Variants in SEMA4F observed in about 807,000 individuals in gnomAD.
SEMA4F encodes the protein semaphorin-4F.
A neutral mutation model predicts 78.4 loss-of-function variants in SEMA4F; 51 were observed. The ratio of observed to expected loss-of-function variants is 0.65; its 90% CI spans 0.52 to 0.82. The LOEUF (loss-of-function observed/expected upper bound fraction) is 0.82, where lower values mean the gene tolerates loss of function less well. SEMA4F is among the 40% of genes least tolerant of loss of function. The pLI is 0.00. For synonymous variants in SEMA4F, 418 were observed against 408.7 expected, an observed-to-expected ratio of 1.02 and a Z score of -0.27; for missense variants, 938 against 1,014.4, an observed-to-expected ratio of 0.92 and a Z score of 1.02.
At position 74,654,302 on chromosome 2, in the gene SEMA4F, G is replaced by A. The variant is rs1683989950; in HGVS notation, c.-75G>A. The stretch of plus-strand genomic sequence containing the variant: ...ACCGAGCCGAGAGGACCCGAGTGGG[G>A]CCGAGGCCAGTAGCCCCGGGGCCCT... On this transcript the variant is annotated 5_prime_UTR_variant, in exon 1 of 14. Coordinates refer to ENST00000357877, the MANE Select transcript of SEMA4F (RefSeq NM_004263.5). The A allele has an allele frequency of 7.3e-7, 1 of 1,366,900 alleles. No individual in the cohort carries two copies. Among genetic ancestry groups the A allele is most frequent in the African/African-American group, 1.5e-5 (1 of 65,084 alleles). The allele number at this position is 1,366,900 out of a possible 1,614,324, so 84.7% of individuals were successfully genotyped here.
intron 5 of SEMA4F, among the ~76,000 whole-genome samples, chr2:74,665,007 A>G (rs1258889504): frequency 1.3e-5 from 2 of 152,120 alleles, no homozygotes; most frequent in African/African-American, 2.4e-5. Flanking sequence ...CAGCTAGCTA[A>G]TCAGTTGACT....
In SEMA4F at chr2:74,680,221, T is replaced by A; in HGVS notation, c.*12T>A. The stretch of plus-strand genomic sequence containing the variant: ...AAACATCCATCTAGAGCTGGGCAAA[T>A]GACCACTAGTGTATAAGTGATCACT... On this transcript the variant is annotated 3_prime_UTR_variant, in exon 14 of 14. Transcript: ENST00000357877. 6.5e-7 allele frequency: 1 copy of A among 1,547,670 alleles called. No individual in the cohort carries two copies. The highest frequency in any genetic ancestry group is 8.8e-7 in the Non-Finnish European group (1 of 1,142,648).
chr2:74,697,262 TG>T, the SEMA4F span, among the ~76,000 whole-genome samples: 1 of 152,220 alleles, frequency 6.6e-6, no homozygotes, highest in Non-Finnish European at 1.5e-5. Context: ...CTGGGTGACA[TG>T]GAAAACCAGC....
chr2:74,689,264 T>A, the SEMA4F span, among the ~76,000 whole-genome samples: 1 of 152,172 alleles, frequency 6.6e-6, no homozygotes, highest in Non-Finnish European at 1.5e-5. Flanking sequence ...TTTGTGTATA[T>A]CAAATTTTAC....
rs367738524 is a variant in SEMA4F, at chr2:74,675,076, C to T, written c.1149+41C>T. 19 of 1,613,540 alleles carry T rather than the reference C, an allele frequency of 1.2e-5. No homozygotes were observed. In the African/African-American group the frequency reaches 2.5e-4, roughly 22 times the overall value. ...TTCATTCTAGGCCTGAAGTCAAGAG[C>T]TGCTATTAAGGCAAGAGCCCCACTA... On this transcript the variant is annotated intron_variant, in intron 9 of 13. Coordinates refer to ENST00000357877, the MANE Select transcript of SEMA4F (RefSeq NM_004263.5).
rs749495903 is a variant in SEMA4F at position 74,673,457 on chromosome 2, G to A, written c.551G>A (p.Gly184Glu). The A allele has an allele frequency of 3.1e-6, 5 of 1,613,900 alleles. No individual in the cohort carries two copies. Among genetic ancestry groups the A allele is most frequent in the South Asian group, 1.1e-5 (1 of 91,036 alleles). ...PAQRSAAVMAGGVLYAATVKN... is the reference protein window; with the variant it reads ...PAQRSAAVMAEGVLYAATVKN... The stretch of plus-strand genomic sequence containing the variant: ...CCATCTCCTCCCTGTCGCCCTGCAG[G>A]GGGGGTCCTCTATGCTGCCACTGTG... Residue 184 changes from glycine (G) to glutamate (E), a missense_variant and splice_region_variant, in exon 6 of 14, where the codon GGG (glycine) becomes GAG (glutamate). Coordinates refer to ENST00000357877, the MANE Select transcript of SEMA4F (RefSeq NM_004263.5).
intron 4 of SEMA4F, among the ~76,000 whole-genome samples, chr2:74,661,838 C>T (rs1046900063): frequency 6.6e-6 from 1 of 152,208 alleles, no homozygotes; most frequent in Non-Finnish European, 1.5e-5. Context: ...GCTCCAATGA[C>T]ACCATATGCC....
At position 74,675,783 on chromosome 2, in the gene SEMA4F, C is replaced by T; in HGVS notation, c.1517C>T (p.Thr506Ile). The change falls in exon 12 of 14, where the codon ACA becomes ATA. Residue 506 changes from threonine (T) to isoleucine (I), a missense_variant. Thr to Ile is a moderately conservative substitution (Grantham distance 89). Coordinates refer to ENST00000357877, the MANE Select transcript of SEMA4F (RefSeq NM_004263.5). ...CTGGTTGGCTCCCGTACTGAGGTGA[C>T]ACAAGTGAATACAACCAACTGTGGC... Reference protein sequence around the residue: ...WLLVGSRTEVTQVNTTNCGRL... With the variant: ...WLLVGSRTEVIQVNTTNCGRL... 1 of 1,614,206 alleles carries T rather than the reference C, an allele frequency of 6.2e-7. No homozygotes were observed.
Position 74,674,951 on chromosome 2 carries a change from T to A in SEMA4F, c.1065T>A (p.Asn355Lys), listed in dbSNP as rs1038298428. 2 of 1,614,008 alleles carry A rather than the reference T, an allele frequency of 1.2e-6. No homozygotes were observed. Among genetic ancestry groups the A allele is most frequent in the Admixed American group, 3.3e-5 (2 of 60,008 alleles). The stretch of plus-strand genomic sequence containing the variant: ...CACAAGACATTCGGACAGTGCTGAA[T>A]GGTCCCTTCAGAGAACTAAAACATG... ...FRPQDIRTVL[N>K]GPFRELKHDC... The change falls in exon 9 of 14, where the codon AAT (asparagine) becomes AAA (lysine). Residue 355 changes from asparagine (N) to lysine (K), a missense_variant. By Grantham distance (94) the Asn-to-Lys change is moderately conservative (BLOSUM62 0). Coordinates refer to ENST00000357877, the MANE Select transcript of SEMA4F (RefSeq NM_004263.5).
At chr2:74,690,470 A>G in the SEMA4F span, among the ~76,000 whole-genome samples, 1 of 151,546 alleles carries the variant, frequency 6.6e-6, no homozygotes, top group African/African-American at 2.4e-5. Context: ...GGAAGAATGA[A>G]GAGAAATGAA....
intron 1 of SEMA4F, among the ~76,000 whole-genome samples, chr2:74,655,612 C>A (rs993126355): frequency 1.3e-5 from 2 of 152,126 alleles, no homozygotes; most frequent in African/African-American, 2.4e-5. Flanking sequence ...TCAGTTTGCA[C>A]CCAAGCAATA....
chr2:74,699,126 G>A, the SEMA4F span, among the ~76,000 whole-genome samples: 248 of 152,300 alleles, frequency 1.6e-3, no homozygotes, highest in Middle Eastern at 6.8e-3. Context: ...TATTGAGGGA[G>A]TTTAAAGCCT....
At chr2:74,706,672 C>G in the SEMA4F span, among the ~76,000 whole-genome samples, 42,780 of 152,130 alleles carry the variant, frequency 0.28, 9,022 homozygotes, top group East Asian at 0.82. Context: ...AGGTTGTCTG[C>G]ACGAGGTTTG....
the SEMA4F span, among the ~76,000 whole-genome samples, chr2:74,695,668 A>G: frequency 5.3e-5 from 8 of 152,236 alleles, no homozygotes; most frequent in Non-Finnish European, 1.2e-4. Context: ...ATTGCTTTCT[A>G]AAAGGACTAA....
intron 5 of SEMA4F, among the ~76,000 whole-genome samples, chr2:74,666,252 T>G (rs532430706): frequency 1.3e-5 from 2 of 152,224 alleles, no homozygotes; most frequent in Non-Finnish European, 2.9e-5. Context: ...GAGTAATTTC[T>G]CTTTATTAGG....
rs763085283 is a variant in SEMA4F, at chr2:74,658,126, G to T, written c.456+175G>T. On this transcript the variant is annotated intron_variant, in intron 4 of 13. Transcript: ENST00000357877. This position sits in a 1 kb window ranked among gnomAD's most constrained non-coding sequence, Gnocchi z 4.3. Reference sequence around the variant, plus strand: ...TAGGGGCTGTCCTCATGGGATGAGGGTATGTGTAAGCCACTGAGGGAGGGA... The same window carrying T: ...TAGGGGCTGTCCTCATGGGATGAGGTTATGTGTAAGCCACTGAGGGAGGGA... Among the ~76,000 whole-genome samples, 6 of 152,118 alleles carry T rather than the reference G, an allele frequency of 3.9e-5. No homozygotes were observed. The highest frequency in any genetic ancestry group is 5.9e-5 in the Non-Finnish European group (4 of 68,012).
chr2:74,674,945 G>A lies in SEMA4F; in HGVS notation c.1059G>A (p.Val353=). 1 of 1,614,018 alleles carries A rather than the reference G, an allele frequency of 6.2e-7. No homozygotes were observed. Among genetic ancestry groups the A allele is most frequent in the Non-Finnish European group, 8.5e-7 (1 of 1,180,012 alleles). The change falls in exon 9 of 14, where the codon GTG becomes GTA. Residue 353 remains valine (V), a synonymous_variant. Transcript: ENST00000357877. ...TCCGACCACAAGACATTCGGACAGT[G>A]CTGAATGGTCCCTTCAGAGAACTAA... is the stretch of plus-strand genomic sequence containing the variant. ...CAFRPQDIRT[V]LNGPFRELKH...
At chr2:74,690,737 G>A in the SEMA4F span, among the ~76,000 whole-genome samples, 3 of 152,150 alleles carry the variant, frequency 2.0e-5, no homozygotes, top group Non-Finnish European at 4.4e-5. Context: ...GGTTTTCTGG[G>A]TCCATTGCAG....
downstream of SEMA4F, among the ~76,000 whole-genome samples, chr2:74,686,051 C>A (rs1460381111): frequency 6.6e-6 from 1 of 151,760 alleles, no homozygotes; most frequent in African/African-American, 2.4e-5. Flanking sequence ...ATTAAAAAGT[C>A]AGGAAACAAC....
Sources: allele counts gnomAD v4.1 joint callset (sites outside exome capture counted in the v4.1 genomes callset), GRCh38; gene constraint gnomAD v4.1.1; non-coding constraint Gnocchi (gnomAD v3.1); transcripts MANE v1.5; gene names NCBI Gene and HGNC (gene_info 2026-07-23, HGNC 2026-07-21).